Variants in GRAMD1B observed in about 807,000 individuals in gnomAD.
The protein encoded by GRAMD1B is GRAM domain containing 1B, also known as protein Aster-B.
GRAMD1B carries 37 observed loss-of-function variants against 99.7 expected under a neutral mutation model. That is an observed-to-expected ratio of 0.37 (90% CI 0.29 to 0.49). The LOEUF is 0.49. GRAMD1B is among the 20% of genes least tolerant of loss of function. GRAMD1B has a pLI of 0.98. For missense variants in GRAMD1B, 888 were observed against 1,009.2 expected, an observed-to-expected ratio of 0.88 and a Z score of 1.63; for synonymous variants, 427 against 387.6, an observed-to-expected ratio of 1.10 and a Z score of -1.19.
At chr11:123,499,651 G>C (rs1341000266) in intron 2 of GRAMD1B, among the ~76,000 whole-genome samples, 1 of 152,156 alleles carries the variant, frequency 6.6e-6, no homozygotes, top group Non-Finnish European at 1.5e-5. Flanking sequence ...TCCTTAGTCT[G>C]AAGGTGAAGC....
chr11:123,474,528 T>A (rs1227098350), intron 1 of GRAMD1B, among the ~76,000 whole-genome samples: 1 of 152,130 alleles, frequency 6.6e-6, no homozygotes, highest in African/African-American at 2.4e-5. Flanking sequence ...TAAGTCTCCA[T>A]TTTTCAGGAA....
intron 2 of GRAMD1B, among the ~76,000 whole-genome samples, chr11:123,564,540 C>T (rs754721130): frequency 1.5e-4 from 23 of 152,206 alleles, no homozygotes; most frequent in Non-Finnish European, 2.9e-4. Flanking sequence ...TCTCCCTTGA[C>T]GAGCGGTGAT....
rs55890434 is a variant in GRAMD1B at position 123,383,205 on chromosome 11, GCT to G, written c.-176+24436_-176+24437del. Among the ~76,000 whole-genome samples, 218 of 146,390 alleles carry G rather than the reference GCT, an allele frequency of 1.5e-3. 1 individual carries two copies. Among genetic ancestry groups the G allele is most frequent in the Admixed American group, 1.8e-3 (26 of 14,512 alleles). On this transcript the variant is annotated intron_variant, in intron 1 of 20. Transcript: ENST00000638157. ...AGAGTGCTTCCTACTTCAGAGTCTT[GCT>G]CTCTCTCTCTCTCTCTCTCTCTCTC... is the stretch of plus-strand genomic sequence containing the variant.
chr11:123,534,868 G>GAA (rs112376281), intron 2 of GRAMD1B, among the ~76,000 whole-genome samples: 1 of 146,200 alleles, frequency 6.8e-6, no homozygotes, highest in African/African-American at 2.5e-5. Flanking sequence ...CCATCTCAAA[G>GAA]AAAAAAAAAA....
chr11:123,540,602 GTT>G (rs5795377), intron 2 of GRAMD1B, among the ~76,000 whole-genome samples: 8 of 151,116 alleles, frequency 5.3e-5, no homozygotes, highest in South Asian at 2.1e-4. Flanking sequence ...TTTGACTGTT[GTT>G]TTTTTTTTAA....
intron 2 of GRAMD1B, among the ~76,000 whole-genome samples, chr11:123,514,320 T>G (rs766188084): frequency 6.6e-6 from 1 of 152,136 alleles, no homozygotes; most frequent in African/African-American, 2.4e-5. Context: ...TGATTTAGAG[T>G]TGGACATATC....
intron 1 of GRAMD1B, among the ~76,000 whole-genome samples, chr11:123,422,301 A>C (rs1324323424): frequency 2.0e-5 from 3 of 152,228 alleles, no homozygotes; most frequent in Non-Finnish European, 4.4e-5. Context: ...AGTTCGCACC[A>C]AGTGCAGAAT....
chr11:123,571,851 G>C (rs1351010420), intron 2 of GRAMD1B, among the ~76,000 whole-genome samples: 1 of 151,998 alleles, frequency 6.6e-6, no homozygotes, highest in African/African-American at 2.4e-5. Flanking sequence ...TGCCCTCCTT[G>C]AACCCCGTAC....
chr11:123,411,064 GCA>G (rs1948030953), intron 1 of GRAMD1B, among the ~76,000 whole-genome samples: 1 of 151,494 alleles, frequency 6.6e-6, no homozygotes, highest in African/African-American at 2.4e-5. Context: ...GAGTGCAGTG[GCA>G]TGATCTCGGC....
At chr11:123,386,639 G>T (rs1947070136) in intron 1 of GRAMD1B, among the ~76,000 whole-genome samples, 1 of 152,006 alleles carries the variant, frequency 6.6e-6, no homozygotes, top group Admixed American at 6.5e-5. Context: ...AGTAGAGACA[G>T]GGTTTCACCA....
At chr11:123,398,834 A>G (rs1188737771) in intron 1 of GRAMD1B, among the ~76,000 whole-genome samples, 1 of 152,354 alleles carries the variant, frequency 6.6e-6, no homozygotes, top group Admixed American at 6.5e-5. Flanking sequence ...AGGAATAAGT[A>G]TACATCTGTG....
chr11:123,494,829 T>C (rs937500805), intron 2 of GRAMD1B, among the ~76,000 whole-genome samples: 2 of 152,126 alleles, frequency 1.3e-5, no homozygotes, highest in African/African-American at 4.8e-5. Flanking sequence ...GGGTGGCAAC[T>C]CGGGGGCTCA....
intron 2 of GRAMD1B, among the ~76,000 whole-genome samples, chr11:123,524,791 G>A (rs1297323084): frequency 2.6e-5 from 4 of 152,304 alleles, no homozygotes; most frequent in Middle Eastern, 3.4e-3. Flanking sequence ...TCTGGGTAAA[G>A]CTTTATTATC....
intron 2 of GRAMD1B, among the ~76,000 whole-genome samples, chr11:123,563,501 T>G (rs1223791394): frequency 6.6e-6 from 1 of 151,472 alleles, no homozygotes; most frequent in Non-Finnish European, 1.5e-5. Flanking sequence ...AACAGAGGGT[T>G]TTTTCTTTTT....
chr11:123,506,897 T>C (rs1940492546), intron 2 of GRAMD1B, among the ~76,000 whole-genome samples: 1 of 152,196 alleles, frequency 6.6e-6, no homozygotes, highest in African/African-American at 2.4e-5. Flanking sequence ...GGTTGTCTAC[T>C]CTGCAGTTAA....
intron 1 of GRAMD1B, among the ~76,000 whole-genome samples, chr11:123,375,378 G>A (rs75887727): frequency 0.01 from 1,536 of 152,012 alleles, 26 homozygotes; most frequent in African/African-American, 0.035. Flanking sequence ...GGGCAACATA[G>A]CAACATCTGG....
At chr11:123,568,116 G>GT (rs34996751) in intron 2 of GRAMD1B, among the ~76,000 whole-genome samples, 16,612 of 149,608 alleles carry the variant, frequency 0.11, 966 homozygotes, top group Middle Eastern at 0.2. Flanking sequence ...AAAGTTTTGG[G>GT]TTTTTTTTTT....
chr11:123,571,349 G>T (rs907013187), intron 2 of GRAMD1B, among the ~76,000 whole-genome samples: 1 of 152,144 alleles, frequency 6.6e-6, no homozygotes, highest in Non-Finnish European at 1.5e-5. Context: ...CAGTGGGCGT[G>T]GGGGGTGAGG....
intron 4 of GRAMD1B, among the ~76,000 whole-genome samples, 179 bp downstream of exon 4, chr11:123,584,511 G>C (rs1293633606): frequency 1.0e-5 from 1 of 98,946 alleles, no homozygotes. Flanking sequence ...GCAGCCTTGG[G>C]GAGGGAGGAT....
Sources: gnomAD v4.1 joint callset for allele counts (sites outside exome capture counted in the v4.1 genomes callset) on GRCh38, gnomAD v4.1.1 for gene constraint, MANE v1.5 for transcripts, NCBI Gene and HGNC (gene_info 2026-07-23, HGNC 2026-07-21) for gene names.